Variants in VIL1 observed in about 807,000 individuals in gnomAD.
The protein encoded by VIL1 is villin-1.
In VIL1, 86 loss-of-function variants were observed where a neutral mutation model predicts 104.0. The observed-to-expected ratio is 0.83, with a 90% CI of 0.69 to 0.99. The LOEUF is 0.99. Ranked by LOEUF, VIL1 falls within the 50% of genes least tolerant of loss-of-function variation. The pLI is 0.00. For synonymous variants in VIL1, 394 were observed against 412.6 expected, an observed-to-expected ratio of 0.95 and a Z score of 0.55; for missense variants, 944 against 1,054.1, an observed-to-expected ratio of 0.90 and a Z score of 1.45.
rs374927515 is a variant in VIL1 at position 218,427,297 on chromosome 2, G to C, written c.348-668G>C. Among the ~76,000 whole-genome samples, 32 of 150,954 alleles carry C rather than the reference G, an allele frequency of 2.1e-4. 2 individuals carry two copies. Among genetic ancestry groups the C allele is most frequent in the Admixed American group, 1.6e-3 (24 of 14,986 alleles). On this transcript the variant is annotated intron_variant, in intron 4 of 19. Coordinates refer to ENST00000248444, the MANE Select transcript of VIL1 (RefSeq NM_007127.3). ...TTCCACTTTGATCCCCTGTCCTCAG[G>C]ATTCTGTCCCTATTTATTAATACAT...
In VIL1 at chr2:218,434,808, G is replaced by C. The variant is rs548342453; in HGVS notation, c.1680+103G>C. On this transcript the variant is annotated intron_variant, in intron 14 of 19. Transcript: ENST00000248444. ...AGGGCAGGAACCCCTGGCCAACTAA[G>C]TTGTGCCTGCTCAATTCTCAGCCGC... 11 of 1,284,438 alleles carry C rather than the reference G, an allele frequency of 8.6e-6. No homozygotes were observed. In the South Asian group the frequency reaches 1.6e-4, roughly 19 times the overall value. 79.6% of individuals were successfully genotyped at this position (1,284,438 alleles called of 1,614,324 possible).
At chr2:218,435,125 T>C (rs754998629) in intron 14 of VIL1, among the ~76,000 whole-genome samples, 164 bp from the exon 15 acceptor site, 6 of 152,072 alleles carry the variant, frequency 3.9e-5, no homozygotes, top group Non-Finnish European at 8.8e-5. Flanking sequence ...TTCTTTGGAG[T>C]GTCAAGGACA....
intron 17 of VIL1, 32 bp downstream of exon 17, chr2:218,437,344 T>C: frequency 6.2e-7 from 1 of 1,604,502 alleles, no homozygotes. Context: ...TGTCCTTCTC[T>C]AGCCCTGCCT....
At position 218,431,929 on chromosome 2, in the gene VIL1, T is replaced by C. The variant is rs200476718; in HGVS notation, c.1175T>C (p.Met392Thr). 2.3e-4 allele frequency: 370 copies of C among 1,613,590 alleles called. 1 individual carries two copies. The highest frequency in any genetic ancestry group is 2.5e-4 in the Non-Finnish European group (294 of 1,179,922). ...CCTCAGGTGGCTGCCCAGCAGAAGATGGTAGATGATGGGAGTGGGGAAGTG... is the reference window on the plus strand; with the variant it reads ...CCTCAGGTGGCTGCCCAGCAGAAGACGGTAGATGATGGGAGTGGGGAAGTG... ...VKPQVAAQQK[M>T]VDDGSGEVQV... The change falls in exon 11 of 20, where the codon ATG becomes ACG. Residue 392 changes from methionine to threonine, a missense_variant. Met to Thr is a moderately conservative substitution (Grantham distance 81). Coordinates refer to ENST00000248444, the MANE Select transcript of VIL1 (RefSeq NM_007127.3).
chr2:218,428,104 G>A, intron 5 of VIL1, 31 bp downstream of exon 5: 1 of 1,611,150 alleles, frequency 6.2e-7, no homozygotes, highest in Middle Eastern at 1.7e-4. Flanking sequence ...CATCGGCCAG[G>A]GCTGTGAGGC....
rs1689123833 is a variant in VIL1 at position 218,432,862 on chromosome 2, A to C, written c.1411A>C (p.Asn471His). 3.7e-6 allele frequency: 6 copies of C among 1,614,108 alleles called. No individual in the cohort carries two copies. Among genetic ancestry groups the C allele is most frequent in the Non-Finnish European group, 5.1e-6 (6 of 1,180,048 alleles). Reference sequence around the variant, plus strand: ...AGCCGTCATCCTGGACCAGAAGTACAATGGTGAACCAGTCCAGATCCGGGT... The same window carrying C: ...AGCCGTCATCCTGGACCAGAAGTACCATGGTGAACCAGTCCAGATCCGGGT... ...YQAVILDQKY[N>H]GEPVQIRVPM... Residue 471 changes from asparagine to histidine, a missense_variant, in exon 13 of 20, where the codon AAT becomes CAT. Asn to His is a moderately conservative substitution (Grantham distance 68). Coordinates refer to ENST00000248444, the MANE Select transcript of VIL1 (RefSeq NM_007127.3).
rs530425267 is a variant in VIL1 at position 218,452,555 on chromosome 2, A to T, written c.*3219A>T. On this transcript the variant is annotated 3_prime_UTR_variant, in exon 20 of 20. Coordinates refer to ENST00000248444, the MANE Select transcript of VIL1 (RefSeq NM_007127.3). The stretch of plus-strand genomic sequence containing the variant: ...AGACATCAAGTAAAATTTGAGTCCC[A>T]AACATGCAAGTACATGAGCAGTGAG... The T allele has an allele frequency of 8.5e-5, 13 of 152,306 alleles. No homozygotes were observed. The highest frequency in any genetic ancestry group is 6.2e-4 in the South Asian group (3 of 4,826). 9.4% of individuals were successfully genotyped at this position (152,306 alleles called of 1,614,324 possible).
chr2:218,424,691 C>G (rs1040831646), intron 3 of VIL1, among the ~76,000 whole-genome samples: 1 of 152,180 alleles, frequency 6.6e-6, no homozygotes, highest in Non-Finnish European at 1.5e-5. Context: ...GAGTCTCACT[C>G]TGTCACCCAG....
intron 1 of VIL1, among the ~76,000 whole-genome samples, chr2:218,420,584 T>G (rs1418730389): frequency 6.7e-6 from 1 of 150,280 alleles, no homozygotes; most frequent in Non-Finnish European, 1.5e-5. Flanking sequence ...ATTTGTTTTT[T>G]TTTTTTTTGT....
At position 218,440,836 on chromosome 2, in the gene VIL1, G is replaced by T; in HGVS notation, c.2344G>T (p.Glu782Ter). Residue 782 changes from glutamate to a stop codon, truncating the protein, a stop_gained, in exon 19 of 20, where the codon GAG becomes TAG. Coordinates refer to ENST00000248444, the MANE Select transcript of VIL1 (RefSeq NM_007127.3). LOFTEE classifies it high-confidence loss of function. ...LVNKPVEELP[E>*]GVDPSRKEEH... The stretch of plus-strand genomic sequence containing the variant: ...GAACAAGCCTGTAGAGGAGCTCCCC[G>T]AGGGTGTGGACCCCAGCAGGAAGGA... 2 of 1,614,112 alleles carry T rather than the reference G, an allele frequency of 1.2e-6. No individual in the cohort carries two copies. The highest frequency in any genetic ancestry group is 1.7e-6 in the Non-Finnish European group (2 of 1,179,996).
intron 4 of VIL1, among the ~76,000 whole-genome samples, chr2:218,426,996 C>A (rs1205579555): frequency 1.3e-5 from 2 of 152,276 alleles, no homozygotes; most frequent in East Asian, 3.9e-4. Context: ...GTGATTCTCC[C>A]ACCTCAGCCT....
chr2:218,432,922 A>G lies in VIL1; in HGVS notation c.1471A>G (p.Ile491Val). The change falls in exon 13 of 20, where the codon ATC (isoleucine) becomes GTC (valine). Residue 491 changes from isoleucine (I) to valine (V), a missense_variant. Coordinates refer to ENST00000248444, the MANE Select transcript of VIL1 (RefSeq NM_007127.3). ...CAAGGAGCCACCTCATCTTATGTCC[A>G]TCTTCAAGGGACGCATGGTGGTCTA... ...MGKEPPHLMS[I>V]FKGRMVVYQG... 6.2e-7 allele frequency: 1 copy of G among 1,614,226 alleles called. No individual in the cohort carries two copies. Among genetic ancestry groups the G allele is most frequent in the Middle Eastern group, 1.6e-4 (1 of 6,062 alleles).
intron 4 of VIL1, among the ~76,000 whole-genome samples, chr2:218,426,751 A>G (rs918525144): frequency 1.3e-5 from 2 of 151,986 alleles, no homozygotes; most frequent in Non-Finnish European, 2.9e-5. Flanking sequence ...ACAGGTGCCC[A>G]CCACCACGTC....
intron 16 of VIL1, 77 bp from the exon 17 acceptor site, chr2:218,437,047 T>C: frequency 6.5e-7 from 1 of 1,538,724 alleles, no homozygotes; most frequent in South Asian, 1.2e-5. Flanking sequence ...AGGGTTTCAC[T>C]GTTGGACAAC....
rs1337877694 is a variant in VIL1, at chr2:218,452,655, G to GTAT, written c.*3321_*3322insTTA. ...ATGAAGATCAAATCAGGTTTCTGAGGTAAGTGTACTTCTAAACCATACACA... is the reference window on the plus strand; with the variant it reads ...ATGAAGATCAAATCAGGTTTCTGAGGTATTAAGTGTACTTCTAAACCATACACA... On this transcript the variant is annotated 3_prime_UTR_variant, in exon 20 of 20. Transcript: ENST00000248444. 1 of 152,152 alleles carries GTAT rather than the reference G, an allele frequency of 6.6e-6. No individual in the cohort carries two copies. Among genetic ancestry groups the GTAT allele is most frequent in the Non-Finnish European group, 1.5e-5 (1 of 68,030 alleles). 9.4% of individuals were successfully genotyped at this position (152,152 alleles called of 1,614,324 possible).
intron 14 of VIL1, 109 bp downstream of exon 14, chr2:218,434,814 C>A (rs921334816): frequency 5.9e-5 from 73 of 1,228,000 alleles, no homozygotes; most frequent in Non-Finnish European, 8.1e-5. Flanking sequence ...CTAAGTTGTG[C>A]CTGCTCAATT....
chr2:218,432,168 G>T lies in VIL1; in HGVS notation c.1326G>T (p.Leu442=). Residue 442 remains leucine (L), a synonymous_variant, in exon 12 of 20, where the codon CTG becomes CTT. Coordinates refer to ENST00000248444, the MANE Select transcript of VIL1 (RefSeq NM_007127.3). Reference sequence around the variant, plus strand: ...TCATCGGCGAGAAGCAGCATTACCTGCTCTACGTTTGGCAGGTCAGGTCCC... The same window carrying T: ...TCATCGGCGAGAAGCAGCATTACCTTCTCTACGTTTGGCAGGTCAGGTCCC... ...TYLIGEKQHY[L]LYVWQGSQAS... is the part of the protein sequence containing the mutation. The T allele has an allele frequency of 6.2e-7, 1 of 1,613,386 alleles. No homozygotes were observed.
intron 18 of VIL1, 35 bp downstream of exon 18, chr2:218,438,761 G>C (rs370405217): frequency 5.0e-5 from 80 of 1,590,288 alleles, no homozygotes; most frequent in Non-Finnish European, 6.8e-5. Context: ...GCCCTGCAGT[G>C]GCCAGCTGGT....
intron 19 of VIL1, among the ~76,000 whole-genome samples, chr2:218,442,831 C>T (rs1181305445): frequency 6.6e-6 from 1 of 152,132 alleles, no homozygotes; most frequent in Non-Finnish European, 1.5e-5. Context: ...GGTTTCGGCT[C>T]AATATTTATA....
Sources: gnomAD v4.1 joint callset for allele counts (sites outside exome capture counted in the v4.1 genomes callset) on GRCh38, gnomAD v4.1.1 for gene constraint, MANE v1.5 for transcripts, NCBI Gene and HGNC (gene_info 2026-07-23, HGNC 2026-07-21) for gene names.